The following PKNOX2 variants were observed in gnomAD, a reference collection of about 807,000 sequenced individuals.
PKNOX2 encodes the protein homeobox protein PKNOX2.
A neutral mutation model predicts 53.1 loss-of-function variants in PKNOX2; 14 were observed. The ratio of observed to expected loss-of-function variants is 0.26; its 90% confidence interval spans 0.17 to 0.41. The LOEUF is 0.41. Ranked by LOEUF, PKNOX2 falls within the 10% of genes least tolerant of loss-of-function variation. PKNOX2 has a pLI of 1.00. For synonymous variants in PKNOX2, 257 were observed against 242.8 expected, an observed-to-expected ratio of 1.06 and a Z score of -0.54; for missense variants, 496 against 602.8, an observed-to-expected ratio of 0.82 and a Z score of 1.85.
intron 2 of PKNOX2, among the ~76,000 whole-genome samples, chr11:125,324,718 A>G (rs1048803163): frequency 1.3e-5 from 2 of 152,196 alleles, no homozygotes; most frequent in Non-Finnish European, 2.9e-5. Flanking sequence ...GAAAGGAAGA[A>G]AATGTAGCTC....
chr11:125,346,446 G>T (rs1198555369), intron 3 of PKNOX2, among the ~76,000 whole-genome samples: 1 of 152,218 alleles, frequency 6.6e-6, no homozygotes, highest in Non-Finnish European at 1.5e-5. Context: ...GAGGGAAAGT[G>T]ACTTGTACAG....
chr11:125,170,058 G>T (rs553295089), intron 1 of PKNOX2, among the ~76,000 whole-genome samples: 3 of 152,134 alleles, frequency 2.0e-5, no homozygotes, highest in Non-Finnish European at 4.4e-5. Context: ...AGCCCTGACT[G>T]GTGTGTGTGT....
intron 1 of PKNOX2, among the ~76,000 whole-genome samples, chr11:125,221,560 C>T (rs1941155770): frequency 1.3e-5 from 2 of 152,072 alleles, no homozygotes; most frequent in Non-Finnish European, 2.9e-5. Context: ...ATGTGAGATA[C>T]GGCCACACTC....
intron 4 of PKNOX2, among the ~76,000 whole-genome samples, chr11:125,353,916 G>A (rs1167192599): frequency 2.0e-5 from 3 of 152,136 alleles, no homozygotes; most frequent in African/African-American, 7.2e-5. Context: ...AGGAGCTAGG[G>A]CAGGGGTGGA....
intron 2 of PKNOX2, among the ~76,000 whole-genome samples, chr11:125,327,648 G>T (rs138629896): frequency 3.9e-5 from 6 of 152,280 alleles, no homozygotes; most frequent in African/African-American, 1.4e-4. Context: ...GAGGATGGCC[G>T]CGGCCATCAG....
At chr11:125,384,842 T>G (rs951188020) in intron 5 of PKNOX2, among the ~76,000 whole-genome samples, 1 of 152,154 alleles carries the variant, frequency 6.6e-6, no homozygotes, top group Non-Finnish European at 1.5e-5. Flanking sequence ...TGAGCATGCA[T>G]GCCAAGGTCT....
At chr11:125,412,838 A>G (rs1277917582) in intron 10 of PKNOX2, among the ~76,000 whole-genome samples, 1 of 152,154 alleles carries the variant, frequency 6.6e-6, no homozygotes, top group African/African-American at 2.4e-5. Context: ...GGAGGAGAAA[A>G]ATCGAATGGG....
rs1956236121 is a variant in PKNOX2, at chr11:125,422,855, C to T, written c.937-6157C>T. Among the ~76,000 whole-genome samples, 2 of 152,256 alleles carry T rather than the reference C, an allele frequency of 1.3e-5. No individual in the cohort carries two copies. The highest frequency in any genetic ancestry group is 1.9e-4 in the East Asian group (1 of 5,180). Reference sequence around the variant, plus strand: ...GAAAAAATGAGCGTATTTGTATGCTCACAGAAGGGGCTGCTGGGAGGCTCC... The same window carrying T: ...GAAAAAATGAGCGTATTTGTATGCTTACAGAAGGGGCTGCTGGGAGGCTCC... On this transcript the variant is annotated intron_variant, in intron 10 of 12. Coordinates refer to ENST00000298282, the MANE Select transcript of PKNOX2 (RefSeq NM_001382323.2). This position sits in a 1 kb window ranked among gnomAD's most constrained non-coding sequence, Gnocchi z 4.1.
At chr11:125,191,567 G>A (rs191766267) in intron 1 of PKNOX2, among the ~76,000 whole-genome samples, 25 of 152,290 alleles carry the variant, frequency 1.6e-4, no homozygotes, top group African/African-American at 4.1e-4. Flanking sequence ...AGCAGTAGAC[G>A]TCACAGTGCA....
intron 4 of PKNOX2, among the ~76,000 whole-genome samples, chr11:125,355,141 C>A (rs1951532687): frequency 6.6e-6 from 1 of 152,012 alleles, no homozygotes; most frequent in Non-Finnish European, 1.5e-5. Context: ...GTGGCACATG[C>A]CTGTAGTCCC....
At chr11:125,384,677 T>A (rs556835876) in intron 5 of PKNOX2, among the ~76,000 whole-genome samples, 1 of 152,034 alleles carries the variant, frequency 6.6e-6, no homozygotes, top group Non-Finnish European at 1.5e-5. Flanking sequence ...AGAGCGAGAC[T>A]CCGTCTCAAA....
At chr11:125,382,223 C>T (rs1953285651) in intron 5 of PKNOX2, among the ~76,000 whole-genome samples, 1 of 152,256 alleles carries the variant, frequency 6.6e-6, no homozygotes, top group African/African-American at 2.4e-5. Flanking sequence ...ATTAGCACAA[C>T]ACTGCGTGTG....
intron 10 of PKNOX2, among the ~76,000 whole-genome samples, chr11:125,416,940 C>T (rs994459856): frequency 1.3e-5 from 2 of 151,990 alleles, no homozygotes; most frequent in African/African-American, 4.8e-5. Context: ...ATAGAAGGCT[C>T]CTGAGATGGA....
At chr11:125,357,215 C>T (rs1044901124) in intron 4 of PKNOX2, among the ~76,000 whole-genome samples, 1 of 152,180 alleles carries the variant, frequency 6.6e-6, no homozygotes, top group South Asian at 2.1e-4. Flanking sequence ...TGACCTCTCT[C>T]TCTGCCTGCT....
intron 3 of PKNOX2, among the ~76,000 whole-genome samples, chr11:125,350,632 A>T (rs1419203203): frequency 6.6e-6 from 1 of 152,220 alleles, no homozygotes; most frequent in African/African-American, 2.4e-5. Context: ...AGTCTGGGAA[A>T]GTACAGGAGT....
chr11:125,290,527 A>G (rs1001685687), intron 2 of PKNOX2, among the ~76,000 whole-genome samples: 12 of 152,224 alleles, frequency 7.9e-5, no homozygotes, highest in Admixed American at 7.2e-4. Context: ...ACCGTGATCC[A>G]AGAGTCTACT....
At chr11:125,407,525 T>C (rs1468556457) in intron 7 of PKNOX2, among the ~76,000 whole-genome samples, 1 of 152,204 alleles carries the variant, frequency 6.6e-6, no homozygotes, top group African/African-American at 2.4e-5. Flanking sequence ...CAGGCTAGCA[T>C]GGATGATTCC....
intron 10 of PKNOX2, among the ~76,000 whole-genome samples, chr11:125,415,538 C>T (rs567976272): frequency 4.6e-5 from 7 of 152,076 alleles, no homozygotes; most frequent in East Asian, 1.9e-4. Flanking sequence ...TCTTACAGGA[C>T]GAAGGGGCAT....
rs1956221090 is a variant in PKNOX2, at chr11:125,422,510, C to A, written c.937-6502C>A. On this transcript the variant is annotated intron_variant, in intron 10 of 12. Transcript: ENST00000298282. The surrounding 1 kb of genome is among the most constrained non-coding windows in gnomAD (Gnocchi z 4.1). Reference sequence around the variant, plus strand: ...AGGCATCCCCTGGTGTAGCGCTGTCCCAGGGTGTGTGCCCTGCTGGCAATG... The same window carrying A: ...AGGCATCCCCTGGTGTAGCGCTGTCACAGGGTGTGTGCCCTGCTGGCAATG... Among the ~76,000 whole-genome samples the A allele has an allele frequency of 6.6e-6, 1 of 152,052 alleles. No homozygotes were observed. Among genetic ancestry groups the A allele is most frequent in the Non-Finnish European group, 1.5e-5 (1 of 67,988 alleles).
Sources: allele counts gnomAD v4.1 joint callset (sites outside exome capture counted in the v4.1 genomes callset), GRCh38; gene constraint gnomAD v4.1.1; non-coding constraint Gnocchi (gnomAD v3.1); transcripts MANE v1.5; gene names NCBI Gene and HGNC (gene_info 2026-07-23, HGNC 2026-07-21).